Variants in TMEM138 observed in about 807,000 individuals in gnomAD.
TMEM138 encodes transmembrane protein 138.
In TMEM138, 9 loss-of-function variants were observed where a neutral mutation model predicts 18.1. The ratio of observed to expected loss-of-function variants is 0.50; its 90% confidence interval spans 0.30 to 0.87. TMEM138 has a LOEUF of 0.87. Among genes scored for constraint, TMEM138 ranks in the 40% least tolerant of loss-of-function variants. TMEM138 has a pLI of 0.06. For missense variants in TMEM138, 189 were observed against 190.6 expected (o/e 0.99, Z 0.05); for synonymous variants, 79 against 74.8 (o/e 1.06, Z -0.29).
Position 61,364,310 on chromosome 11 carries a change from TCAG to T in TMEM138, c.-80_-78del. The T allele has an allele frequency of 6.5e-7, 1 of 1,544,622 alleles. No homozygotes were observed. The highest frequency in any genetic ancestry group is 8.8e-7 in the Non-Finnish European group (1 of 1,139,022). ...TTCAAAGGAACTAGAAGCCTCTCCC[TCAG>T]TGGTAGGGAGACAGCCAGGAGCGGT... On this transcript the variant is annotated 5_prime_UTR_variant, in exon 2 of 5. Transcript: ENST00000278826.
Position 61,368,644 on chromosome 11 carries a change from G to GGCGAT in TMEM138, c.425_429dup (p.Pro144AlafsTer27), listed in dbSNP as rs1261647264. On this transcript the variant is annotated frameshift_variant, in exon 5 of 5. Coordinates refer to ENST00000278826, the MANE Select transcript of TMEM138 (RefSeq NM_016464.5). LOFTEE classifies it high-confidence loss of function. ...CTATAAACGGACAGCCGTAAGACTA[G>GGCGAT]GCGATCCTCACTTCTACCAGGACTC... 1 of 1,614,020 alleles carries GGCGAT rather than the reference G, an allele frequency of 6.2e-7. No individual in the cohort carries two copies. The highest frequency in any genetic ancestry group is 8.5e-7 in the Non-Finnish European group (1 of 1,180,054).
At chr11:61,376,318 C>T (rs1389263970), downstream of TMEM138, among the ~76,000 whole-genome samples, 1 of 151,838 alleles carries the variant, frequency 6.6e-6, no homozygotes, top group Non-Finnish European at 1.5e-5. Flanking sequence ...CACTGCACTC[C>T]AGCCTGGATG....
chr11:61,372,579 G>A (rs945338324), downstream of TMEM138, among the ~76,000 whole-genome samples: 2 of 151,840 alleles, frequency 1.3e-5, no homozygotes, highest in Non-Finnish European at 2.9e-5. Flanking sequence ...TCAGGAGATC[G>A]AGACCATCCT....
At position 61,362,387 on chromosome 11, in the gene TMEM138, A is replaced by C. The variant is rs560172519; in HGVS notation, c.-173A>C. On this transcript the variant is annotated 5_prime_UTR_variant, in exon 1 of 5. The change abolishes an upstream ATG in the 5' untranslated region. Coordinates refer to ENST00000278826, the MANE Select transcript of TMEM138 (RefSeq NM_016464.5). The stretch of plus-strand genomic sequence containing the variant: ...AAGCCGGCTTCCGGAAGCCGGGACG[A>C]TGTCCGCATGACAACCGACGTTGGA... 2 of 152,222 alleles carry C rather than the reference A, an allele frequency of 1.3e-5. No individual in the cohort carries two copies. The highest frequency in any genetic ancestry group is 4.8e-5 in the African/African-American group (2 of 41,452). 9.4% of individuals were successfully genotyped at this position (152,222 alleles called of 1,614,324 possible).
At chr11:61,376,650 CCA>C (rs1304533122), downstream of TMEM138, among the ~76,000 whole-genome samples, 7 of 152,232 alleles carry the variant, frequency 4.6e-5, no homozygotes, top group African/African-American at 1.7e-4. Context: ...CATACATAAG[CCA>C]CTTTCATACC....
At chr11:61,372,178 A>G (rs1382777437), downstream of TMEM138, among the ~76,000 whole-genome samples, 5 of 98 alleles carry the variant, frequency 0.051, no homozygotes, top group African/African-American at 0.062. Flanking sequence ...TCTGTCTCAG[A>G]AAAAAAAAAA....
Position 61,367,990 on chromosome 11 carries a change from A to G in TMEM138, c.368A>G (p.Gln123Arg). The change falls in exon 4 of 5, where the codon CAG (glutamine) becomes CGG (arginine). Residue 123 changes from glutamine to arginine, a missense_variant. Physicochemically the swap from Gln to Arg is conservative, Grantham distance 43. Coordinates refer to ENST00000278826, the MANE Select transcript of TMEM138 (RefSeq NM_016464.5). The stretch of plus-strand genomic sequence containing the variant: ...GGACTTCAAATGCTGTTTGTATTCC[A>G]GAGACTAGGTAAGGACCAGAGCAAG... ...TDGLQMLFVF[Q>R]RLAAVLYCYF... 6.2e-7 allele frequency: 1 copy of G among 1,610,878 alleles called. No homozygotes were observed. The highest frequency in any genetic ancestry group is 1.3e-5 in the African/African-American group (1 of 74,988).
At chr11:61,371,808 A>G (rs938003429), downstream of TMEM138, among the ~76,000 whole-genome samples, 4 of 152,236 alleles carry the variant, frequency 2.6e-5, no homozygotes, top group Admixed American at 2.0e-4. Flanking sequence ...TTGCCCAGAA[A>G]GGCAGGACAT....
chr11:61,372,308 T>G (rs965085934), downstream of TMEM138, among the ~76,000 whole-genome samples: 2 of 152,014 alleles, frequency 1.3e-5, no homozygotes, highest in African/African-American at 4.8e-5. Flanking sequence ...TTCTTGGTTT[T>G]GTTTTGTTTT....
downstream of TMEM138, among the ~76,000 whole-genome samples, chr11:61,371,898 C>T (rs575341683): frequency 7.9e-5 from 12 of 152,100 alleles, no homozygotes; most frequent in African/African-American, 1.7e-4. Context: ...AAATTTGGGC[C>T]GGGCACAGTG....
chr11:61,370,442 G>A (rs148561447), downstream of TMEM138, among the ~76,000 whole-genome samples: 8 of 152,322 alleles, frequency 5.3e-5, no homozygotes, highest in African/African-American at 9.6e-5. Flanking sequence ...TGACTAAAGC[G>A]TTGATGATAG....
At chr11:61,374,089 C>T (rs1197823909), downstream of TMEM138, among the ~76,000 whole-genome samples, 2 of 150,772 alleles carry the variant, frequency 1.3e-5, no homozygotes, top group African/African-American at 2.4e-5. Context: ...GTGATCCATC[C>T]ACCTCGGCCT....
intron 2 of TMEM138, 65 bp downstream of exon 2, chr11:61,364,583 T>C: frequency 6.2e-7 from 1 of 1,603,506 alleles, no homozygotes. Flanking sequence ...ACAGTGGTGA[T>C]TTAGTGTCTT....
intron 1 of TMEM138, chr11:61,362,697 G>A (rs1022667299): frequency 2.6e-5 from 4 of 152,172 alleles, no homozygotes; most frequent in African/African-American, 9.7e-5. Context: ...TCTGCATAAC[G>A]GATCCTCAAA....
downstream of TMEM138, among the ~76,000 whole-genome samples, chr11:61,369,661 A>G (rs1858282633): frequency 6.6e-6 from 1 of 151,596 alleles, no homozygotes; most frequent in Non-Finnish European, 1.5e-5. Flanking sequence ...GGGTGGTTTC[A>G]TCTGGGCTCA....
chr11:61,372,177 GA>G (rs34248583), downstream of TMEM138, among the ~76,000 whole-genome samples: 124,733 of 128,986 alleles, frequency 0.97, 60,329 homozygotes, highest in East Asian at 0.99. Flanking sequence ...CTCTGTCTCA[GA>G]AAAAAAAAAA....
chr11:61,372,397 G>A (rs11230678), downstream of TMEM138, among the ~76,000 whole-genome samples: 126,985 of 149,724 alleles, frequency 0.85, 57,399 homozygotes, highest in East Asian at 1. Context: ...TGCCTCTTGG[G>A]TTTAAATGAT....
Position 61,367,925 on chromosome 11 carries a change from C to T in TMEM138, c.303C>T (p.Asn101=), listed in dbSNP as rs2135162983. The change falls in exon 4 of 5, where the codon AAC becomes AAT. Residue 101 remains asparagine, a splice_region_variant and synonymous_variant. Transcript: ENST00000278826. ...LSISLHVWVM[N]LRWKNSNSFI... ...TGTGTATCTCACATCTCCTTCAGAA[C>T]TTACGCTGGAAAAACTCCAACAGCT... is the stretch of plus-strand genomic sequence containing the variant. The T allele has an allele frequency of 2.5e-6, 4 of 1,610,250 alleles. No individual in the cohort carries two copies. Among genetic ancestry groups the T allele is most frequent in the Non-Finnish European group, 3.4e-6 (4 of 1,176,596 alleles).
chr11:61,373,483 C>A (rs1399279281), downstream of TMEM138, among the ~76,000 whole-genome samples: 1 of 150,484 alleles, frequency 6.6e-6, no homozygotes, highest in Admixed American at 6.6e-5. Flanking sequence ...AATTAAGTCT[C>A]CTCTCTCAAA....
Sources: allele counts gnomAD v4.1 joint callset (sites outside exome capture counted in the v4.1 genomes callset), GRCh38; gene constraint gnomAD v4.1.1; transcripts MANE v1.5; gene names NCBI Gene and HGNC (gene_info 2026-07-23, HGNC 2026-07-21).